The following C19orf47 variants were observed in gnomAD, a reference collection of about 807,000 sequenced individuals.
C19orf47 encodes the protein uncharacterized protein C19orf47.
In C19orf47, 18 loss-of-function variants were observed where a neutral mutation model predicts 32.3. The ratio of observed to expected loss-of-function variants is 0.56; its 90% CI spans 0.39 to 0.83. The LOEUF is 0.83. Ranked by LOEUF, C19orf47 falls within the 40% of genes least tolerant of loss-of-function variation. The pLI is 0.00. For missense variants in C19orf47, 484 were observed against 531.6 expected, an observed-to-expected ratio of 0.91 and a Z score of 0.88; for synonymous variants, 202 against 211.1, an observed-to-expected ratio of 0.96 and a Z score of 0.37.
chr19:40,325,053 C>T (rs1453234777), intron 7 of C19orf47, among the ~76,000 whole-genome samples: 3 of 151,616 alleles, frequency 2.0e-5, no homozygotes, highest in Admixed American at 1.3e-4. Flanking sequence ...GTGGATCACC[C>T]GAGGTCAGGA....
chr19:40,323,291 G>A (rs1327963480), intron 8 of C19orf47, among the ~76,000 whole-genome samples: 5 of 152,248 alleles, frequency 3.3e-5, no homozygotes. Context: ...AGCACCATGC[G>A]GGGATGATCT....
chr19:40,338,338 AAT>A (rs999512072), intron 2 of C19orf47, among the ~76,000 whole-genome samples: 18 of 142,904 alleles, frequency 1.3e-4, no homozygotes, highest in African/African-American at 4.6e-4. Context: ...TATATACACA[AAT>A]ATATATATAC....
At chr19:40,329,511 C>T (rs1234334060) in intron 5 of C19orf47, among the ~76,000 whole-genome samples, 1 of 152,044 alleles carries the variant, frequency 6.6e-6, no homozygotes, top group Non-Finnish European at 1.5e-5. Flanking sequence ...GTCTCAAAAA[C>T]AGGGGGGAAA....
chr19:40,338,313 A>G (rs1021805713), intron 2 of C19orf47, among the ~76,000 whole-genome samples: 1 of 148,322 alleles, frequency 6.7e-6, no homozygotes, highest in Non-Finnish European at 1.5e-5. Context: ...ATACACATAT[A>G]TATACACAAA....
chr19:40,331,631 C>T (rs1473149109), intron 5 of C19orf47, among the ~76,000 whole-genome samples: 1 of 151,444 alleles, frequency 6.6e-6, no homozygotes, highest in African/African-American at 2.4e-5. Context: ...GAGTGAGACT[C>T]CCATCTCAAA....
intron 2 of C19orf47, among the ~76,000 whole-genome samples, chr19:40,337,322 A>ATTATTATT (rs1568621554): frequency 2.3e-4 from 34 of 149,792 alleles, no homozygotes; most frequent in African/African-American, 8.1e-4. Flanking sequence ...TATTATTATT[A>ATTATTATT]CTATTACTCC....
downstream of C19orf47, among the ~76,000 whole-genome samples, chr19:40,316,901 C>G (rs1382444371): frequency 1.3e-5 from 2 of 152,130 alleles, no homozygotes; most frequent in African/African-American, 4.8e-5. Context: ...AATTAGACTA[C>G]TAAGACACGT....
In C19orf47 at chr19:40,328,534, G is replaced by A. The variant is rs2077882952; in HGVS notation, c.318C>T (p.Ile106=). ...GAGAGTCATGGTTCAGGCTGTTGGT[G>A]ATCATTCGGGAGGCAGCTGTGGGGA... ...RRGTSAASRM[I]TNSLNHDSPP... Residue 106 remains isoleucine (I), a synonymous_variant, in exon 6 of 9, where the codon ATC becomes ATT. Coordinates refer to ENST00000683109, the MANE Select transcript of C19orf47 (RefSeq NM_001256441.2). 2 of 1,606,824 alleles carry A rather than the reference G, an allele frequency of 1.2e-6. No homozygotes were observed. Among genetic ancestry groups the A allele is most frequent in the Non-Finnish European group, 1.7e-6 (2 of 1,177,310 alleles).
intron 6 of C19orf47, 61 bp downstream of exon 6, chr19:40,328,352 C>T: frequency 4.4e-6 from 7 of 1,593,926 alleles, no homozygotes; most frequent in Non-Finnish European, 6.0e-6. Flanking sequence ...TGACCCCCAA[C>T]ACCTCCTACC....
downstream of C19orf47, among the ~76,000 whole-genome samples, chr19:40,315,502 C>T (rs1317184830): frequency 6.6e-6 from 1 of 152,082 alleles, no homozygotes; most frequent in Admixed American, 6.6e-5. Context: ...AACAACTGGC[C>T]GGGCATGGTG....
At chr19:40,323,609 A>G (rs2077766800) in intron 8 of C19orf47, among the ~76,000 whole-genome samples, 1 of 152,208 alleles carries the variant, frequency 6.6e-6, no homozygotes, top group Non-Finnish European at 1.5e-5. Flanking sequence ...GAGACCATTC[A>G]GGAGGCTATC....
chr19:40,297,206 T>C, the C19orf47 span, among the ~76,000 whole-genome samples: 2 of 152,184 alleles, frequency 1.3e-5, no homozygotes, highest in East Asian at 1.9e-4. Flanking sequence ...AAAAACCTTA[T>C]ACATGGATTT....
intron 5 of C19orf47, among the ~76,000 whole-genome samples, chr19:40,329,158 G>A (rs2077897273): frequency 1.3e-5 from 2 of 151,906 alleles, no homozygotes; most frequent in Non-Finnish European, 2.9e-5. Flanking sequence ...TCACTCACAA[G>A]AACATAAGCT....
In C19orf47 at chr19:40,321,095, G is replaced by T; in HGVS notation, c.*787C>A. ...GTCACAAAAATATATTAAAACAGCA[G>T]CTGTCTTCACTCTAGGCACTGGCCT... On this transcript the variant is annotated 3_prime_UTR_variant, in exon 9 of 9. Transcript: ENST00000683109. The T allele has an allele frequency of 3.5e-6, 1 of 288,244 alleles. No homozygotes were observed. Among genetic ancestry groups the T allele is most frequent in the Non-Finnish European group, 5.2e-6 (1 of 191,154 alleles). The allele number at this position is 288,244 out of a possible 1,614,324, so 17.9% of individuals were successfully genotyped here.
At chr19:40,308,415 A>G in the C19orf47 span, among the ~76,000 whole-genome samples, 1 of 151,520 alleles carries the variant, frequency 6.6e-6, no homozygotes, top group Admixed American at 6.6e-5. Flanking sequence ...TCAGCCTCCC[A>G]AAGCGCTGGG....
At chr19:40,345,515 A>G (rs2078254803) in intron 1 of C19orf47, among the ~76,000 whole-genome samples, 1 of 146,724 alleles carries the variant, frequency 6.8e-6, no homozygotes, top group African/African-American at 2.5e-5. Flanking sequence ...CCTGGGCAAT[A>G]TAGCGAGACC....
At chr19:40,306,405 CTT>C in the C19orf47 span, among the ~76,000 whole-genome samples, 2 of 145,566 alleles carry the variant, frequency 1.4e-5, no homozygotes, top group Non-Finnish European at 3.0e-5. Flanking sequence ...ACTCTTGTTA[CTT>C]TTTTTTTTTT....
chr19:40,336,161 C>A lies in C19orf47; in HGVS notation c.171G>T (p.Val57=). Reference sequence around the variant, plus strand: ...TGAGAATGGCGATGATGTCACCCACCACGGTCACGCCCAGCTCATTCATTA... The same window carrying A: ...TGAGAATGGCGATGATGTCACCCACAACGGTCACGCCCAGCTCATTCATTA... ...KEIMNELGVT[V]VGDIIAILKH... is the part of the protein sequence containing the mutation. Residue 57 remains valine (V), a synonymous_variant, in exon 4 of 9, where the codon GTG becomes GTT. Transcript: ENST00000683109. 6.2e-7 allele frequency: 1 copy of A among 1,614,212 alleles called. No homozygotes were observed. Among genetic ancestry groups the A allele is most frequent in the Non-Finnish European group, 8.5e-7 (1 of 1,180,032 alleles).
At chr19:40,344,818 A>G (rs2078241677) in intron 1 of C19orf47, among the ~76,000 whole-genome samples, 1 of 152,192 alleles carries the variant, frequency 6.6e-6, no homozygotes. Context: ...CCAGGAACTG[A>G]GCATATACAC....
Sources: allele counts gnomAD v4.1 joint callset (sites outside exome capture counted in the v4.1 genomes callset), GRCh38; gene constraint gnomAD v4.1.1; transcripts MANE v1.5; gene names NCBI Gene and HGNC (gene_info 2026-07-23, HGNC 2026-07-21).